Variants in EBF1 observed in about 807,000 individuals in gnomAD.
EBF1 encodes the protein EBF transcription factor 1, also known as transcription factor COE1.
Under a neutral mutation model 68.4 loss-of-function variants are expected in EBF1, and 10 were observed. The observed-to-expected ratio is 0.15, with a 90% CI of 0.09 to 0.25. The LOEUF is 0.25. Among genes scored for constraint, EBF1 ranks in the 10% least tolerant of loss-of-function variants. The pLI is 1.00. For synonymous variants in EBF1, 298 were observed against 299.8 expected, an observed-to-expected ratio of 0.99 and a Z score of 0.06; for missense variants, 509 against 794.4, an observed-to-expected ratio of 0.64 and a Z score of 4.32.
Position 158,735,587 on chromosome 5 carries a change from C to A in EBF1, c.1037-4430G>T, listed in dbSNP as rs556792225. On this transcript the variant is annotated intron_variant, in intron 10 of 15. Transcript: ENST00000313708. ...CTGAGATTTGAGAAGGATCCCCTCACCCACAGCTATGATGTGATACTGGGG... is the reference window on the plus strand; with the variant it reads ...CTGAGATTTGAGAAGGATCCCCTCAACCACAGCTATGATGTGATACTGGGG... Among the ~76,000 whole-genome samples, 3 of 152,232 alleles carry A rather than the reference C, an allele frequency of 2.0e-5. No homozygotes were observed. In the East Asian group the frequency reaches 5.8e-4, roughly 29 times the overall value.
chr5:158,903,731 T>C (rs1803950002), intron 6 of EBF1, among the ~76,000 whole-genome samples: 1 of 152,200 alleles, frequency 6.6e-6, no homozygotes, highest in South Asian at 2.1e-4. Flanking sequence ...GGATTGCTAT[T>C]TAATTGTATT....
chr5:159,058,694 C>A (rs1313768813), intron 6 of EBF1, among the ~76,000 whole-genome samples: 7 of 152,200 alleles, frequency 4.6e-5, no homozygotes, highest in African/African-American at 1.7e-4. Context: ...ACTAATCCAA[C>A]CTAGTGGAAG....
intron 8 of EBF1, among the ~76,000 whole-genome samples, chr5:158,803,808 T>A (rs1365117380): frequency 1.3e-5 from 2 of 151,946 alleles, no homozygotes; most frequent in Non-Finnish European, 2.9e-5. Flanking sequence ...AATTGCATTA[T>A]GCAGTTAAGC....
intron 10 of EBF1, among the ~76,000 whole-genome samples, chr5:158,742,449 G>A (rs1381997916): frequency 6.6e-6 from 1 of 151,808 alleles, no homozygotes; most frequent in East Asian, 1.9e-4. Context: ...TTTGTACAGT[G>A]ATTAGCACAT....
At chr5:158,896,071 TAC>T (rs1802122416) in intron 6 of EBF1, among the ~76,000 whole-genome samples, 1 of 152,092 alleles carries the variant, frequency 6.6e-6, no homozygotes, top group East Asian at 1.9e-4. Context: ...GTTCTTTAGC[TAC>T]AAAGTCAATA....
intron 7 of EBF1, among the ~76,000 whole-genome samples, chr5:158,838,252 T>A (rs953304943): frequency 6.6e-6 from 1 of 152,016 alleles, no homozygotes; most frequent in Non-Finnish European, 1.5e-5. Context: ...AAGACCATCC[T>A]GGCTAACACA....
At chr5:158,772,077 C>T (rs188878643) in intron 10 of EBF1, among the ~76,000 whole-genome samples, 1 of 152,206 alleles carries the variant, frequency 6.6e-6, no homozygotes, top group African/African-American at 2.4e-5. Context: ...GAGCCAAACT[C>T]GGGACTTGGG....
intron 8 of EBF1, among the ~76,000 whole-genome samples, chr5:158,806,195 T>C (rs1043821904): frequency 2.0e-5 from 3 of 152,080 alleles, no homozygotes; most frequent in African/African-American, 7.2e-5. Flanking sequence ...TTCAACTCTA[T>C]GACAAAGACA....
chr5:158,916,968 CT>C (rs1807335745), intron 6 of EBF1, among the ~76,000 whole-genome samples: 1 of 152,180 alleles, frequency 6.6e-6, no homozygotes, highest in African/African-American at 2.4e-5. Flanking sequence ...CACAACGTGT[CT>C]CTTGAAAACC....
chr5:158,936,683 C>T (rs1241059110), intron 6 of EBF1, among the ~76,000 whole-genome samples: 1 of 152,192 alleles, frequency 6.6e-6, no homozygotes, highest in Non-Finnish European at 1.5e-5. Flanking sequence ...TCCACTCCAG[C>T]ATCTGTCTAC....
chr5:158,815,675 T>A (rs1162982174), intron 8 of EBF1, among the ~76,000 whole-genome samples: 1 of 152,166 alleles, frequency 6.6e-6, no homozygotes, highest in Non-Finnish European at 1.5e-5. Flanking sequence ...AGAACATAGA[T>A]CACCTGCTCA....
intron 6 of EBF1, among the ~76,000 whole-genome samples, chr5:159,029,957 TA>T (rs541130625): frequency 0.042 from 5,581 of 132,540 alleles, 317 homozygotes; most frequent in African/African-American, 0.13. Flanking sequence ...AAACTCCTTC[TA>T]AAAAAAAAAA....
chr5:158,871,788 C>T (rs1425993910), intron 6 of EBF1, among the ~76,000 whole-genome samples: 1 of 152,168 alleles, frequency 6.6e-6, no homozygotes, highest in Non-Finnish European at 1.5e-5. Context: ...GAGTTGGGGC[C>T]ACAACCTTCC....
intron 8 of EBF1, among the ~76,000 whole-genome samples, chr5:158,818,933 C>CA (rs397731511): frequency 0.12 from 15,218 of 129,880 alleles, 873 homozygotes; most frequent in African/African-American, 0.14. Flanking sequence ...AAAACAATAA[C>CA]AAAAAAAAAA....
chr5:159,040,560 G>A (rs372204176), intron 6 of EBF1, among the ~76,000 whole-genome samples: 9 of 152,178 alleles, frequency 5.9e-5, no homozygotes, highest in Middle Eastern at 3.2e-3. Context: ...TTGAGTCCTG[G>A]AAACAGGGAA....
intron 6 of EBF1, among the ~76,000 whole-genome samples, chr5:158,895,814 G>A (rs1802066752): frequency 6.6e-6 from 1 of 152,184 alleles, no homozygotes; most frequent in African/African-American, 2.4e-5. Context: ...CCAACCAGCT[G>A]CTGAAATGCA....
At chr5:158,719,469 A>G (rs1295318911) in intron 11 of EBF1, among the ~76,000 whole-genome samples, 3 of 152,182 alleles carry the variant, frequency 2.0e-5, no homozygotes, top group Non-Finnish European at 4.4e-5. Flanking sequence ...CTCATCTTCT[A>G]TTTTATGAGT....
At chr5:158,756,075 C>T (rs1387160723) in intron 10 of EBF1, among the ~76,000 whole-genome samples, 1 of 152,044 alleles carries the variant, frequency 6.6e-6, no homozygotes, top group African/African-American at 2.4e-5. Context: ...CTGTAGTTGG[C>T]CCTGGCTGCT....
intron 6 of EBF1, among the ~76,000 whole-genome samples, chr5:158,856,074 C>T (rs1393216807): frequency 6.6e-6 from 1 of 152,172 alleles, no homozygotes; most frequent in Non-Finnish European, 1.5e-5. Context: ...AAGCTACAGG[C>T]AGGTATAGCA....
Sources: allele counts gnomAD v4.1 joint callset (sites outside exome capture counted in the v4.1 genomes callset), GRCh38; gene constraint gnomAD v4.1.1; transcripts MANE v1.5; gene names NCBI Gene and HGNC (gene_info 2026-07-23, HGNC 2026-07-21).